ITGBL1: variants seen among roughly 807,000 people sequenced by gnomAD.
ITGBL1 encodes integrin subunit beta like 1, also known as integrin beta-like protein 1.
In ITGBL1, 51 loss-of-function variants were observed where a neutral mutation model predicts 68.5. That is an observed-to-expected ratio of 0.74 (90% CI 0.59 to 0.94). ITGBL1 has a LOEUF of 0.94. Ranked by LOEUF, ITGBL1 falls within the 40% of genes least tolerant of loss-of-function variation. The pLI, the probability that ITGBL1 is intolerant of heterozygous loss-of-function variation, is 0.00. For missense variants in ITGBL1, 649 were observed against 647.4 expected (o/e 1.00, Z -0.03); for synonymous variants, 209 against 227.3 (o/e 0.92, Z 0.72).
chr13:101,643,225 C>G (rs1257285080), intron 7 of ITGBL1, among the ~76,000 whole-genome samples: 1 of 150,392 alleles, frequency 6.6e-6, no homozygotes, highest in African/African-American at 2.5e-5. Context: ...TTGTTTGTAT[C>G]CTCTTTTATT....
chr13:101,608,903 A>G lies in ITGBL1; in HGVS notation c.1015+10604A>G, dbSNP rs531539860. Among the ~76,000 whole-genome samples, 17 of 152,146 alleles carry G rather than the reference A, an allele frequency of 1.1e-4. No homozygotes were observed. The East Asian group carries it at 3.3e-3, about 29-fold the overall frequency. On this transcript the variant is annotated intron_variant, in intron 7 of 10. Transcript: ENST00000376180. ...AATGGTCCTGCTTTTAGTGTGCATC[A>G]AATAGGGAGAAATATAAATGAATTG... is the stretch of plus-strand genomic sequence containing the variant.
intron 7 of ITGBL1, among the ~76,000 whole-genome samples, chr13:101,641,524 TTA>T (rs2032369125): frequency 8.3e-6 from 1 of 121,028 alleles, no homozygotes; most frequent in Admixed American, 7.4e-5. Flanking sequence ...TCTTTCTTTT[TTA>T]TTTTATTTTA....
chr13:101,648,865 T>C (rs1235384953), intron 7 of ITGBL1, among the ~76,000 whole-genome samples: 2 of 152,074 alleles, frequency 1.3e-5, no homozygotes, highest in African/African-American at 4.8e-5. Context: ...GTGTTAGTAA[T>C]ATTATTTTCT....
intron 8 of ITGBL1, among the ~76,000 whole-genome samples, chr13:101,702,915 G>A (rs543435815): frequency 2.0e-5 from 3 of 152,318 alleles, no homozygotes; most frequent in Admixed American, 6.5e-5. Context: ...AGATAGGGGC[G>A]TAGGGGTGCC....
intron 2 of ITGBL1, among the ~76,000 whole-genome samples, chr13:101,482,765 A>G (rs1239192697): frequency 6.6e-6 from 1 of 151,938 alleles, no homozygotes; most frequent in Non-Finnish European, 1.5e-5. Context: ...ATAATAGAAA[A>G]CCCAAGCCAA....
chr13:101,579,274 A>AT lies in ITGBL1; in HGVS notation c.587-9dup. On this transcript the variant is annotated splice_polypyrimidine_tract_variant and intron_variant, in intron 4 of 10. Coordinates refer to ENST00000376180, the MANE Select transcript of ITGBL1 (RefSeq NM_004791.3). ...CTTTTTTCCTCACTGTATAAAATTCATTTTGGGTAAAGGCCATGGGAAGTG... is the reference window on the plus strand; with the variant it reads ...CTTTTTTCCTCACTGTATAAAATTCATTTTTGGGTAAAGGCCATGGGAAGTG... 6.2e-7 allele frequency: 1 copy of AT among 1,611,072 alleles called. No homozygotes were observed. Among genetic ancestry groups the AT allele is most frequent in the Non-Finnish European group, 8.5e-7 (1 of 1,178,128 alleles).
chr13:101,534,652 A>G (rs1163405535), intron 2 of ITGBL1, among the ~76,000 whole-genome samples: 1 of 152,138 alleles, frequency 6.6e-6, no homozygotes, highest in Non-Finnish European at 1.5e-5. Flanking sequence ...AAAAAAAGGC[A>G]GCCTGTTAGC....
At chr13:101,666,739 A>G (rs2033228653) in intron 7 of ITGBL1, among the ~76,000 whole-genome samples, 1 of 152,162 alleles carries the variant, frequency 6.6e-6, no homozygotes, top group South Asian at 2.1e-4. Flanking sequence ...TGGGATGGCA[A>G]ATTGAAAGTC....
chr13:101,515,325 C>A (rs1415372216), intron 2 of ITGBL1, among the ~76,000 whole-genome samples: 1 of 151,810 alleles, frequency 6.6e-6, no homozygotes, highest in Non-Finnish European at 1.5e-5. Flanking sequence ...TCTATTAAAA[C>A]CCCGGGTATT....
intron 2 of ITGBL1, among the ~76,000 whole-genome samples, chr13:101,493,306 G>T (rs1329222639): frequency 6.6e-6 from 1 of 151,594 alleles, no homozygotes; most frequent in East Asian, 1.9e-4. Context: ...CTGAATGAAG[G>T]CTGGGTATCT....
rs59309809 is a variant in ITGBL1 at position 101,634,941 on chromosome 13, GGTGT to G, written c.1015+36669_1015+36672del. Among the ~76,000 whole-genome samples the G allele has an allele frequency of 8.9e-3, 1,294 of 145,864 alleles. 6 individuals carry two copies. The highest frequency in any genetic ancestry group is 0.014 in the Non-Finnish European group (939 of 65,572). ...AGATATACTTTCAATATAAGCAAAA[GGTGT>G]GTGTGTGTGTGTGTGTGTGTGTGTG... On this transcript the variant is annotated intron_variant, in intron 7 of 10. Coordinates refer to ENST00000376180, the MANE Select transcript of ITGBL1 (RefSeq NM_004791.3).
chr13:101,636,424 C>G (rs2032170923), intron 7 of ITGBL1, among the ~76,000 whole-genome samples: 1 of 152,078 alleles, frequency 6.6e-6, no homozygotes, highest in East Asian at 1.9e-4. Context: ...CATGTTTAAT[C>G]AAGGGCTAAC....
At chr13:101,640,294 T>C (rs144168997) in intron 7 of ITGBL1, among the ~76,000 whole-genome samples, 73 of 152,342 alleles carry the variant, frequency 4.8e-4, no homozygotes, top group Non-Finnish European at 7.8e-4. Flanking sequence ...GATAACACTT[T>C]GGCTTACTCA....
chr13:101,456,254 A>AT (rs2048242587), intron 2 of ITGBL1, among the ~76,000 whole-genome samples: 2 of 152,174 alleles, frequency 1.3e-5, no homozygotes, highest in Admixed American at 1.3e-4. Context: ...TTGCTGACTG[A>AT]TGCCCATCAA....
chr13:101,549,293 A>G (rs1399496976), intron 2 of ITGBL1, among the ~76,000 whole-genome samples: 1 of 151,978 alleles, frequency 6.6e-6, no homozygotes, highest in Non-Finnish European at 1.5e-5. Context: ...ATTATCTTAC[A>G]GTATAAAATT....
chr13:101,625,392 G>C (rs1244882131), intron 7 of ITGBL1, among the ~76,000 whole-genome samples: 2 of 152,136 alleles, frequency 1.3e-5, no homozygotes, highest in African/African-American at 4.8e-5. Context: ...AACTCAGCCG[G>C]CCAGGAACAA....
chr13:101,524,714 TTATATC>T (rs1293007999), intron 2 of ITGBL1, among the ~76,000 whole-genome samples: 1 of 152,032 alleles, frequency 6.6e-6, no homozygotes, highest in Non-Finnish European at 1.5e-5. Flanking sequence ...CACTAGGGCT[TTATATC>T]TAGGGTAGAC....
At chr13:101,558,912 T>TGC (rs2050055928) in intron 2 of ITGBL1, among the ~76,000 whole-genome samples, 1 of 7,462 alleles carries the variant, frequency 1.3e-4, no homozygotes, top group African/African-American at 5.1e-4. Context: ...TGTGTGTGTA[T>TGC]GTGTGTGTGT....
rs114761966 is a variant in ITGBL1, at chr13:101,601,067, G to A, written c.1015+2768G>A. ...AATTCGGCTGTGAATCCATCTAGTC[G>A]TGGACTGTGTTTGGTTGGTAAGCTA... is the stretch of plus-strand genomic sequence containing the variant. On this transcript the variant is annotated intron_variant, in intron 7 of 10. Coordinates refer to ENST00000376180, the MANE Select transcript of ITGBL1 (RefSeq NM_004791.3). Among the ~76,000 whole-genome samples, 850 of 152,166 alleles carry A rather than the reference G, an allele frequency of 5.6e-3. 11 individuals carry two copies. Among genetic ancestry groups the A allele is most frequent in the African/African-American group, 0.019 (798 of 41,532 alleles).
Sources: allele counts gnomAD v4.1 joint callset (sites outside exome capture counted in the v4.1 genomes callset), GRCh38; gene constraint gnomAD v4.1.1; transcripts MANE v1.5; gene names NCBI Gene and HGNC (gene_info 2026-07-23, HGNC 2026-07-21).